The following PLCH2 variants were observed in gnomAD, a reference collection of about 807,000 sequenced individuals.
PLCH2 encodes 1-phosphatidylinositol 4,5-bisphosphate phosphodiesterase eta-2.
A neutral mutation model predicts 134.7 loss-of-function variants in PLCH2; 98 were observed. The ratio of observed to expected loss-of-function variants is 0.73; its 90% CI spans 0.62 to 0.86. The LOEUF (loss-of-function observed/expected upper bound fraction) is 0.86. Ranked by LOEUF, PLCH2 falls within the 40% of genes least tolerant of loss-of-function variation. The probability of loss-of-function intolerance (pLI) is 0.00; values close to 1 mark genes in which losing one functional copy is unlikely to be tolerated. For missense variants in PLCH2, 1,994 were observed against 1,986.6 expected, an observed-to-expected ratio of 1.00 and a Z score of -0.07; for synonymous variants, 974 against 827.5, an observed-to-expected ratio of 1.18 and a Z score of -3.04.
intron 4 of PLCH2, among the ~76,000 whole-genome samples, chr1:2,480,837 C>T (rs772956204): frequency 3.9e-5 from 6 of 152,326 alleles, no homozygotes; most frequent in South Asian, 2.1e-4. Flanking sequence ...TTTCTGTTTC[C>T]GGAAAGCCTG....
intron 8 of PLCH2, among the ~76,000 whole-genome samples, chr1:2,488,657 T>C (rs1364671500): frequency 1.3e-5 from 2 of 152,228 alleles, no homozygotes; most frequent in Non-Finnish European, 2.9e-5. Flanking sequence ...GAAAAGCTTA[T>C]AATTAAAAGT....
intron 4 of PLCH2, among the ~76,000 whole-genome samples, chr1:2,480,750 C>T (rs1021113058): frequency 3.3e-5 from 5 of 152,250 alleles, no homozygotes; most frequent in South Asian, 4.1e-4. Flanking sequence ...ATGCCGCCCT[C>T]GCCCAACCAC....
chr1:2,468,006 C>T (rs1463055487), intron 1 of PLCH2, among the ~76,000 whole-genome samples: 5 of 152,214 alleles, frequency 3.3e-5, no homozygotes, highest in South Asian at 2.1e-4. Context: ...GTGGGGGAGG[C>T]GCCCTCAGCC....
At chr1:2,503,779 G>A (rs2100748911) in intron 21 of PLCH2, 143 bp from the exon 22 acceptor site, 1 of 614,682 alleles carries the variant, frequency 1.6e-6, no homozygotes, top group East Asian at 2.8e-5. Flanking sequence ...GATGCCTCGG[G>A]GTGGGAGCTG....
At position 2,491,250 on chromosome 1, in the gene PLCH2, T is replaced by C; in HGVS notation, c.1574T>C (p.Ile525Thr). ...NTAKRKLDSL[I>T]KESKIRDCED... The stretch of plus-strand genomic sequence containing the variant: ...GCTAAGAGGAAACTGGATTCCCTCA[T>C]CAAAGAGTCGAAGATTCGGGACTGT... The change falls in exon 11 of 22, where the codon ATC (isoleucine) becomes ACC (threonine). Residue 525 changes from isoleucine (I) to threonine (T), a missense_variant. Transcript: ENST00000378486. 1 of 1,613,300 alleles carries C rather than the reference T, an allele frequency of 6.2e-7. No individual in the cohort carries two copies. The highest frequency in any genetic ancestry group is 8.5e-7 in the Non-Finnish European group (1 of 1,179,824).
intron 5 of PLCH2, 79 bp from the exon 6 acceptor site, chr1:2,486,828 A>G (rs1222290033): frequency 9.6e-7 from 1 of 1,039,556 alleles, no homozygotes; most frequent in East Asian, 2.6e-5. Flanking sequence ...GGCAGGGGAC[A>G]GTGGTGATGG....
chr1:2,492,291 C>T (rs576547204), intron 11 of PLCH2: 3 of 152,376 alleles, frequency 2.0e-5, no homozygotes, highest in Admixed American at 6.5e-5. Flanking sequence ...GCTCGAGGAA[C>T]ATGCCCTGTG....
At position 2,468,028 on chromosome 1, in the gene PLCH2, G is replaced by T. The variant is rs541903495; in HGVS notation, c.43+366G>T. Among the ~76,000 whole-genome samples the T allele has an allele frequency of 4.6e-5, 7 of 152,328 alleles. No individual in the cohort carries two copies. The East Asian group carries it at 1.4e-3, about 29-fold the overall frequency. ...AGGCGCCCTCAGCCATGCCAGCACG[G>T]GTCCTGACCTCCAGCTTGATCCCAG... On this transcript the variant is annotated intron_variant, in intron 1 of 21. Transcript: ENST00000449969.
At chr1:2,487,863 C>G in intron 8 of PLCH2, 145 bp downstream of exon 8, 1 of 781,226 alleles carries the variant, frequency 1.3e-6, no homozygotes, top group Non-Finnish European at 2.0e-6. Context: ...TCTGGCATCT[C>G]TGGTTGAGGA....
In PLCH2 at chr1:2,505,252, G is replaced by A. The variant is rs1236020504; in HGVS notation, c.*39G>A. 3.4e-6 allele frequency: 5 copies of A among 1,452,024 alleles called. No individual in the cohort carries two copies. The highest frequency in any genetic ancestry group is 2.0e-5 in the Admixed American group (1 of 49,240). The allele number at this position is 1,452,024 out of a possible 1,614,324, so 89.9% of individuals were successfully genotyped here. A position where few individuals can be genotyped will look rare whatever the true frequency, so the allele number is the denominator to read the frequency against. The stretch of plus-strand genomic sequence containing the variant: ...GAACCTGGGCGGCTCTGGAGGCCCA[G>A]GGCAGGGGTGGGCGTGTTGTTTGCT... On this transcript the variant is annotated 3_prime_UTR_variant, in exon 22 of 22. Coordinates refer to ENST00000378486, the MANE Select transcript of PLCH2 (RefSeq NM_014638.4).
At chr1:2,472,791 G>A (rs2100624700), upstream of PLCH2, among the ~76,000 whole-genome samples, 1 of 152,302 alleles carries the variant, frequency 6.6e-6, no homozygotes, top group East Asian at 1.9e-4. Context: ...GGAAGAGGTG[G>A]GGCCCCTGCC....
intron 16 of PLCH2, 82 bp downstream of exon 16, chr1:2,497,691 C>T (rs1642974445): frequency 1.0e-6 from 1 of 988,734 alleles, no homozygotes; most frequent in South Asian, 1.5e-5. Flanking sequence ...AGATCGGAGC[C>T]CCACAGGCTA....
At chr1:2,502,599 C>A (rs1453166666) in intron 21 of PLCH2, 190 bp downstream of exon 21, 9 of 716,702 alleles carry the variant, frequency 1.3e-5, no homozygotes, top group Non-Finnish European at 2.3e-5. Context: ...AGCAGGCAGG[C>A]AGCCATTCGC....
intron 20 of PLCH2, 146 bp from the exon 21 acceptor site, chr1:2,501,966 A>C: frequency 1.5e-6 from 1 of 686,112 alleles, no homozygotes; most frequent in South Asian, 2.2e-5. Context: ...GTGTGTCCAC[A>C]CACCCCCAGC....
chr1:2,465,358 C>G (rs557839488), upstream of PLCH2, among the ~76,000 whole-genome samples: 35 of 152,326 alleles, frequency 2.3e-4, 2 homozygotes, highest in South Asian at 5.0e-3. Flanking sequence ...GGGTGGGGAC[C>G]CTCTGCCCTC....
intron 19 of PLCH2, 107 bp downstream of exon 19, chr1:2,499,337 G>GTCTCTTTGGTGCCAGGT: frequency 7.6e-7 from 1 of 1,323,692 alleles, no homozygotes; most frequent in Non-Finnish European, 1.0e-6. Flanking sequence ...GCCTGCACCT[G>GTCTCTTTGGTGCCAGGT]GCACCAAAGA....
upstream of PLCH2, among the ~76,000 whole-genome samples, chr1:2,465,317 G>A (rs939704332): frequency 1.3e-5 from 2 of 152,212 alleles, no homozygotes; most frequent in Admixed American, 6.5e-5. Context: ...CCCAGAAAGC[G>A]GGGCTGAGGA....
At chr1:2,466,053 G>A (rs1272645859), upstream of PLCH2, among the ~76,000 whole-genome samples, 1 of 152,212 alleles carries the variant, frequency 6.6e-6, no homozygotes, top group African/African-American at 2.4e-5. Flanking sequence ...TGTGGGGGAT[G>A]CTGGGACGCC....
At chr1:2,453,950 G>A (rs1311599205) in intron 2 of PLCH2, among the ~76,000 whole-genome samples, 1 of 142,772 alleles carries the variant, frequency 7.0e-6, no homozygotes, top group East Asian at 1.9e-4. Context: ...CAGTGTGGGG[G>A]CCTCTGAGAG....
Sources: allele counts gnomAD v4.1 joint callset (sites outside exome capture counted in the v4.1 genomes callset), GRCh38; gene constraint gnomAD v4.1.1; transcripts MANE v1.5; gene names NCBI Gene and HGNC (gene_info 2026-07-23, HGNC 2026-07-21).